The following RALGPS2 variants were observed in gnomAD, a reference collection of about 807,000 sequenced individuals.
The protein encoded by RALGPS2 is Ral GEF with PH domain and SH3 binding motif 2, also known as ras-specific guanine nucleotide-releasing factor RalGPS2.
Under a neutral mutation model 86.8 loss-of-function variants are expected in RALGPS2, and 43 were observed. That is an observed-to-expected ratio of 0.50 (90% CI 0.39 to 0.64). The LOEUF (loss-of-function observed/expected upper bound fraction) is 0.64. RALGPS2 is among the 30% of genes least tolerant of loss of function. The pLI, the probability that RALGPS2 is intolerant of heterozygous loss-of-function variation, is 0.00. For missense variants in RALGPS2, 536 were observed against 694.6 expected, an observed-to-expected ratio of 0.77 and a Z score of 2.57; for synonymous variants, 243 against 231.3, an observed-to-expected ratio of 1.05 and a Z score of -0.46.
At chr1:178,735,598 A>ATTTTTTTTT (rs1250223641) in intron 1 of RALGPS2, among the ~76,000 whole-genome samples, 10 of 57,362 alleles carry the variant, frequency 1.7e-4, no homozygotes, top group African/African-American at 3.4e-4. Flanking sequence ...TAATTTTTGT[A>ATTTTTTTTT]TTCTTTTTTT....
chr1:178,806,090 A>T (rs186721891), intron 4 of RALGPS2, among the ~76,000 whole-genome samples: 1,669 of 151,330 alleles, frequency 0.011, 25 homozygotes, highest in African/African-American at 0.037. Flanking sequence ...ATATATATAT[A>T]TTTTTTTTCT....
intron 4 of RALGPS2, among the ~76,000 whole-genome samples, chr1:178,803,328 C>T (rs1199474693): frequency 1.3e-5 from 2 of 152,062 alleles, no homozygotes; most frequent in African/African-American, 2.4e-5. Flanking sequence ...TGTCAAATGG[C>T]TACTTTGAGT....
chr1:178,833,009 A>G (rs560066896), intron 7 of RALGPS2, among the ~76,000 whole-genome samples: 2 of 152,224 alleles, frequency 1.3e-5, no homozygotes, highest in South Asian at 4.1e-4. Flanking sequence ...TGTTAATCGC[A>G]AAATTTGGTG....
chr1:178,843,735 A>G (rs1290816744), intron 8 of RALGPS2, among the ~76,000 whole-genome samples: 1 of 152,102 alleles, frequency 6.6e-6, no homozygotes, highest in South Asian at 2.1e-4. Flanking sequence ...TAGCATCTGC[A>G]TAATTTTAGA....
intron 1 of RALGPS2, among the ~76,000 whole-genome samples, chr1:178,735,622 T>A (rs1297263432): frequency 2.7e-5 from 4 of 146,198 alleles, no homozygotes; most frequent in African/African-American, 1.0e-4. Flanking sequence ...TTTTTTTTTT[T>A]AGTGATGGGA....
At chr1:178,838,482 A>G (rs1285997835) in intron 8 of RALGPS2, among the ~76,000 whole-genome samples, 1 of 152,210 alleles carries the variant, frequency 6.6e-6, no homozygotes, top group Non-Finnish European at 1.5e-5. Context: ...TAGAAGCAAA[A>G]CTAACAGAAA....
chr1:178,815,636 A>G (rs537355187), intron 6 of RALGPS2, among the ~76,000 whole-genome samples: 8 of 152,322 alleles, frequency 5.3e-5, no homozygotes, highest in African/African-American at 1.7e-4. Context: ...TGAACATTCT[A>G]GAGAACTGTG....
intron 1 of RALGPS2, among the ~76,000 whole-genome samples, chr1:178,765,448 T>C (rs965427864): frequency 1.3e-5 from 2 of 152,062 alleles, no homozygotes; most frequent in African/African-American, 4.8e-5. Flanking sequence ...ACGAATAAGG[T>C]GTGGGTCACA....
chr1:178,831,691 A>G (rs1301624055), intron 7 of RALGPS2, among the ~76,000 whole-genome samples: 1 of 149,712 alleles, frequency 6.7e-6, no homozygotes, highest in Non-Finnish European at 1.5e-5. Context: ...TAAATATAAC[A>G]TTATAAATAT....
intron 1 of RALGPS2, among the ~76,000 whole-genome samples, chr1:178,745,932 C>T (rs1380984717): frequency 6.7e-6 from 1 of 149,150 alleles, no homozygotes; most frequent in African/African-American, 2.5e-5. Context: ...AGCAATTCTC[C>T]TGCCTCAGCC....
At chr1:178,766,038 G>A (rs182067113) in intron 1 of RALGPS2, among the ~76,000 whole-genome samples, 1,729 of 152,230 alleles carry the variant, frequency 0.011, 12 homozygotes, top group Non-Finnish European at 0.016. Context: ...CAAAGATGAC[G>A]GGATTAAGAG....
At chr1:178,731,729 T>C (rs1650375608) in intron 1 of RALGPS2, among the ~76,000 whole-genome samples, 1 of 152,202 alleles carries the variant, frequency 6.6e-6, no homozygotes, top group African/African-American at 2.4e-5. Flanking sequence ...GACTTTACTT[T>C]ATTTCTTCTA....
intron 18 of RALGPS2, among the ~76,000 whole-genome samples, chr1:178,905,495 GT>G (rs1660355419): frequency 6.6e-6 from 1 of 152,126 alleles, no homozygotes; most frequent in African/African-American, 2.4e-5. Context: ...GTGTAACGGT[GT>G]TACTTGACTA....
intron 8 of RALGPS2, among the ~76,000 whole-genome samples, chr1:178,843,489 T>A (rs1572390398): frequency 3.2e-5 from 4 of 125,762 alleles, no homozygotes; most frequent in Admixed American, 1.8e-4. Flanking sequence ...AATATCACAC[T>A]CTGGGGACTG....
intron 7 of RALGPS2, among the ~76,000 whole-genome samples, chr1:178,831,632 C>G (rs903585029): frequency 6.7e-6 from 1 of 149,556 alleles, no homozygotes; most frequent in African/African-American, 2.5e-5. Flanking sequence ...GCCCCGCCCC[C>G]CCCACCCCCA....
At chr1:178,885,819 A>G (rs1346486640) in intron 12 of RALGPS2, 150 bp from the exon 13 acceptor site, 2 of 614,352 alleles carry the variant, frequency 3.3e-6, no homozygotes, top group South Asian at 3.5e-5. Flanking sequence ...TTCCTAAAAC[A>G]TTTTCCCTAA....
chr1:178,840,270 A>G (rs2102266016), intron 8 of RALGPS2, among the ~76,000 whole-genome samples: 1 of 152,370 alleles, frequency 6.6e-6, no homozygotes, highest in African/African-American at 2.4e-5. Flanking sequence ...TCCTCAGCAA[A>G]TGTAAAAGAA....
chr1:178,806,635 C>T (rs1188778269), intron 4 of RALGPS2, among the ~76,000 whole-genome samples: 1 of 152,042 alleles, frequency 6.6e-6, no homozygotes, highest in Admixed American at 6.6e-5. Context: ...ATTTTGTTCT[C>T]TGAATATTTC....
intron 8 of RALGPS2, among the ~76,000 whole-genome samples, chr1:178,867,822 G>T (rs1050872644): frequency 6.6e-6 from 1 of 151,486 alleles, no homozygotes; most frequent in Non-Finnish European, 1.5e-5. Context: ...GACCCCTCCC[G>T]AAAACAAAGG....
Sources: gnomAD v4.1 joint callset for allele counts (sites outside exome capture counted in the v4.1 genomes callset) on GRCh38, gnomAD v4.1.1 for gene constraint, MANE v1.5 for transcripts, NCBI Gene and HGNC (gene_info 2026-07-23, HGNC 2026-07-21) for gene names.